SLC66A3: variants seen among roughly 807,000 people sequenced by gnomAD.
SLC66A3 encodes the protein PQ loop repeat containing 3.
Under a neutral mutation model 25.5 loss-of-function variants are expected in SLC66A3, and 23 were observed. That is an observed-to-expected ratio of 0.90 (90% CI 0.65 to 1.28). The LOEUF is 1.28. SLC66A3 is among the 50% of genes most tolerant of loss of function. SLC66A3 has a pLI of 0.00. For missense variants in SLC66A3, 246 were observed against 262.1 expected, an observed-to-expected ratio of 0.94 and a Z score of 0.42; for synonymous variants, 108 against 112.6, an observed-to-expected ratio of 0.96 and a Z score of 0.26.
chr2:11,176,179 T>C (rs1459390265), intron 6 of SLC66A3, among the ~76,000 whole-genome samples: 2 of 152,212 alleles, frequency 1.3e-5, no homozygotes, highest in Non-Finnish European at 2.9e-5. Flanking sequence ...ATGACAGCTG[T>C]TCTTGAAAGT....
At chr2:11,160,301 A>T in intron 1 of SLC66A3, 165 bp from the exon 2 acceptor site, 1 of 649,418 alleles carries the variant, frequency 1.5e-6, no homozygotes, top group Non-Finnish European at 2.8e-6. Context: ...CAGATGATTC[A>T]ACTGAATTCC....
At chr2:11,156,782 AG>A (rs930222675) in intron 1 of SLC66A3, among the ~76,000 whole-genome samples, 2 of 130,056 alleles carry the variant, frequency 1.5e-5, no homozygotes, top group Non-Finnish European at 3.4e-5. Flanking sequence ...CGGGGTGGGG[AG>A]GGGGGGGTCC....
chr2:11,165,236 C>T lies in SLC66A3; in HGVS notation c.354+975C>T, dbSNP rs544492040. Among the ~76,000 whole-genome samples, 205 of 150,264 alleles carry T rather than the reference C, an allele frequency of 1.4e-3. 3 individuals are homozygous for T. The highest frequency in any genetic ancestry group is 4.8e-3 in the African/African-American group (194 of 40,514). On this transcript the variant is annotated intron_variant, in intron 4 of 6. Transcript: ENST00000295083. Reference sequence around the variant, plus strand: ...CTCACTTCCCAGACGGGCTGGCTGCCGGGCGTAGGGGCTCCTCACTTCTCA... The same window carrying T: ...CTCACTTCCCAGACGGGCTGGCTGCTGGGCGTAGGGGCTCCTCACTTCTCA...
rs12987956 is a variant in SLC66A3, at chr2:11,172,055, G to A, written c.475+10G>A. On this transcript the variant is annotated intron_variant, in intron 5 of 6. Transcript: ENST00000295083. ...TCCTATACCTGTGCAAGTAAGAACC[G>A]GACTCACATGGTGGGGAGGCCTTTG... The A allele has an allele frequency of 0.47, 760,503 of 1,611,526 alleles. 187,125 individuals carry two copies. Among genetic ancestry groups the A allele is most frequent in the Non-Finnish European group, 0.5 (593,770 of 1,178,294 alleles).
intron 5 of SLC66A3, among the ~76,000 whole-genome samples, chr2:11,174,494 G>C (rs1662664398): frequency 6.6e-6 from 1 of 151,976 alleles, no homozygotes; most frequent in Admixed American, 6.6e-5. Flanking sequence ...GCTGTTTTTT[G>C]TTTTGTTTTG....
At chr2:11,160,376 G>T in intron 1 of SLC66A3, 90 bp from the exon 2 acceptor site, 1 of 1,126,928 alleles carries the variant, frequency 8.9e-7, no homozygotes, top group South Asian at 1.2e-5. Context: ...GCAAGGATTC[G>T]GCAAACTGAC....
At chr2:11,169,835 C>CT (rs1558257033) in intron 4 of SLC66A3, among the ~76,000 whole-genome samples, 5 of 85,138 alleles carry the variant, frequency 5.9e-5, no homozygotes, top group African/African-American at 1.5e-4. Context: ...CTGGATTTCT[C>CT]TCTTTTTTTT....
At chr2:11,176,729 C>T (rs1020041683) in intron 6 of SLC66A3, among the ~76,000 whole-genome samples, 4 of 145,498 alleles carry the variant, frequency 2.7e-5, no homozygotes, top group Admixed American at 1.4e-4. Flanking sequence ...GGGGTTTCAC[C>T]GTTTTAGCCG....
chr2:11,162,826 T>C (rs4668717), intron 3 of SLC66A3, among the ~76,000 whole-genome samples: 56,167 of 151,944 alleles, frequency 0.37, 10,668 homozygotes, highest in East Asian at 0.51. Context: ...CAGGATGGTT[T>C]CGATCTCCTG....
intron 3 of SLC66A3, among the ~76,000 whole-genome samples, chr2:11,162,970 G>C (rs950859328): frequency 6.6e-6 from 1 of 152,016 alleles, no homozygotes; most frequent in South Asian, 2.1e-4. Flanking sequence ...CAGGTGTAGC[G>C]GCTCATGCCT....
chr2:11,173,240 C>G (rs777871839), intron 5 of SLC66A3, among the ~76,000 whole-genome samples: 1 of 152,208 alleles, frequency 6.6e-6, no homozygotes, highest in Non-Finnish European at 1.5e-5. Flanking sequence ...CATCTCACCT[C>G]AGCCTCCCAA....
In SLC66A3 at chr2:11,178,000, T is replaced by G. The variant is rs1199482427; in HGVS notation, c.*172T>G. On this transcript the variant is annotated 3_prime_UTR_variant, in exon 7 of 7. Coordinates refer to ENST00000295083, the MANE Select transcript of SLC66A3 (RefSeq NM_152391.5). ...AGCCACTTAAATTCTTGTTTAAAAA[T>G]ACCAATTTGCCTCCTCCTTCCTCAC... 2 of 575,300 alleles carry G rather than the reference T, an allele frequency of 3.5e-6. No individual in the cohort carries two copies. Among genetic ancestry groups the G allele is most frequent in the Non-Finnish European group, 6.1e-6 (2 of 327,892 alleles). The allele number at this position is 575,300 out of a possible 1,614,324, so 35.6% of individuals were successfully genotyped here. A position where few individuals can be genotyped will look rare whatever the true frequency, so the allele number is the denominator to read the frequency against.
intron 1 of SLC66A3, among the ~76,000 whole-genome samples, chr2:11,159,259 C>G (rs893913450): frequency 6.6e-6 from 1 of 152,184 alleles, no homozygotes; most frequent in Non-Finnish European, 1.5e-5. Flanking sequence ...TGCCAGCCCC[C>G]CTGGGCTCAA....
chr2:11,160,325 TA>T, intron 1 of SLC66A3, 140 bp from the exon 2 acceptor site: 1 of 719,122 alleles, frequency 1.4e-6, no homozygotes, highest in Non-Finnish European at 2.5e-6. Context: ...TATTTTGTTC[TA>T]AACCTTCCTC....
intron 1 of SLC66A3, among the ~76,000 whole-genome samples, chr2:11,157,747 C>T (rs1661958740): frequency 6.6e-6 from 1 of 152,236 alleles, no homozygotes; most frequent in African/African-American, 2.4e-5. Flanking sequence ...TTTAGTGTGG[C>T]TTGGTGTGAA....
At chr2:11,176,365 G>A (rs1039352006) in intron 6 of SLC66A3, among the ~76,000 whole-genome samples, 1 of 151,566 alleles carries the variant, frequency 6.6e-6, no homozygotes, top group Non-Finnish European at 1.5e-5. Context: ...ACAGGCATGC[G>A]CTACTATGCC....
chr2:11,170,936 G>A (rs1201898781), intron 4 of SLC66A3, among the ~76,000 whole-genome samples: 2 of 151,932 alleles, frequency 1.3e-5, no homozygotes, highest in Non-Finnish European at 2.9e-5. Flanking sequence ...GAACCTCTGT[G>A]GCCAAGCATT....
intron 3 of SLC66A3, among the ~76,000 whole-genome samples, chr2:11,163,751 C>T (rs1420766782): frequency 6.6e-6 from 1 of 152,198 alleles, no homozygotes; most frequent in Non-Finnish European, 1.5e-5. Context: ...CCAGCTGTAT[C>T]ATTTTTACAG....
chr2:11,164,978 C>T (rs1011387421), intron 4 of SLC66A3, among the ~76,000 whole-genome samples: 1 of 152,172 alleles, frequency 6.6e-6, no homozygotes, highest in African/African-American at 2.4e-5. Flanking sequence ...TCTATCTTTT[C>T]CCCTTTCCCC....
Sources: gnomAD v4.1 joint callset for allele counts (sites outside exome capture counted in the v4.1 genomes callset) on GRCh38, gnomAD v4.1.1 for gene constraint, MANE v1.5 for transcripts, NCBI Gene and HGNC (gene_info 2026-07-23, HGNC 2026-07-21) for gene names.